Variants in GDAP1 observed in about 807,000 individuals in gnomAD.
GDAP1 encodes ganglioside-induced differentiation-associated protein 1.
Under a neutral mutation model 40.1 loss-of-function variants are expected in GDAP1, and 34 were observed. The observed-to-expected ratio is 0.85, with a 90% CI of 0.64 to 1.13. GDAP1 has a LOEUF of 1.13. GDAP1 is among the 50% of genes most tolerant of loss of function. The pLI is 0.00. For missense variants in GDAP1, 374 were observed against 433.7 expected (o/e 0.86, Z 1.22); for synonymous variants, 170 against 157.4 (o/e 1.08, Z -0.60).
intron 2 of GDAP1, among the ~76,000 whole-genome samples, chr8:74,421,356 C>CT (rs1420676118): frequency 4.6e-5 from 7 of 151,390 alleles, no homozygotes; most frequent in Non-Finnish European, 8.8e-5. Context: ...ATTACATGTG[C>CT]TTTTTTTCTG....
At chr8:74,438,595 T>C (rs1806122130) in intron 2 of GDAP1, among the ~76,000 whole-genome samples, 1 of 152,222 alleles carries the variant, frequency 6.6e-6, no homozygotes. Context: ...CCCATTTATC[T>C]ATTGAATTAT....
At chr8:74,385,961 T>A (rs758243992) in intron 2 of GDAP1, among the ~76,000 whole-genome samples, 26 of 152,216 alleles carry the variant, frequency 1.7e-4, no homozygotes, top group Non-Finnish European at 3.5e-4. Flanking sequence ...TTTTTTCATA[T>A]GTTTATTGGC....
intron 2 of GDAP1, among the ~76,000 whole-genome samples, chr8:74,385,231 G>T (rs1810008688): frequency 6.6e-6 from 1 of 152,080 alleles, no homozygotes; most frequent in African/African-American, 2.4e-5. Context: ...AGAATGTGCA[G>T]GTTTGTTACA....
At chr8:74,353,507 G>A (rs1808970581) in intron 2 of GDAP1, among the ~76,000 whole-genome samples, 1 of 151,874 alleles carries the variant, frequency 6.6e-6, no homozygotes, top group Non-Finnish European at 1.5e-5. Flanking sequence ...TAAAAACAGC[G>A]TTATCACAAT....
At chr8:74,459,336 T>A (rs1217702145) in intron 2 of GDAP1, among the ~76,000 whole-genome samples, 1 of 152,178 alleles carries the variant, frequency 6.6e-6, no homozygotes, top group Non-Finnish European at 1.5e-5. Context: ...TCAGACACTT[T>A]TGAGAAAACA....
intron 2 of GDAP1, among the ~76,000 whole-genome samples, chr8:74,406,093 C>T (rs1262361890): frequency 6.7e-6 from 1 of 150,234 alleles, no homozygotes; most frequent in Non-Finnish European, 1.5e-5. Flanking sequence ...TAAACAAAAG[C>T]TAACTGTTCA....
intron 2 of GDAP1, among the ~76,000 whole-genome samples, chr8:74,431,367 G>A (rs924772240): frequency 3.9e-5 from 6 of 152,124 alleles, no homozygotes; most frequent in Admixed American, 3.3e-4. Context: ...AAAATAACAC[G>A]GAGGAGGGTT....
At position 74,381,484 on chromosome 8, in the gene GDAP1, G is replaced by A. The variant is rs150712686; in HGVS notation, c.165+30163G>A. Among the ~76,000 whole-genome samples the A allele has an allele frequency of 8.4e-4, 128 of 152,224 alleles. 2 individuals carry two copies. The East Asian group carries it at 0.015, about 18-fold the overall frequency. ...AAAAAAAGTAAGTAGGGCTGGGTATGGTGGCTCATGCCTGTAATCCCAGCA... is the reference window on the plus strand; with the variant it reads ...AAAAAAAGTAAGTAGGGCTGGGTATAGTGGCTCATGCCTGTAATCCCAGCA... On this transcript the variant is annotated intron_variant, in intron 2 of 2. Transcript: ENST00000523640.
chr8:74,441,897 T>C (rs1806166522), intron 2 of GDAP1, among the ~76,000 whole-genome samples: 1 of 152,190 alleles, frequency 6.6e-6, no homozygotes, highest in Non-Finnish European at 1.5e-5. Flanking sequence ...CACTGCTGTT[T>C]AGAGACATAC....
chr8:74,350,712 C>T, intron 1 of GDAP1, 134 bp downstream of exon 1: 1 of 736,950 alleles, frequency 1.4e-6, no homozygotes, highest in African/African-American at 1.7e-5. Context: ...GGCAGGCGCT[C>T]CCTCCAGGCG....
rs1586807387 is a variant in GDAP1 at position 74,364,129 on chromosome 8, AC to A, written c.840del (p.Tyr280Ter). The A allele has an allele frequency of 2.5e-6, 4 of 1,614,198 alleles. No homozygotes were observed. The South Asian group carries it at 4.4e-5, about 18-fold the overall frequency. ...AAGCGACCAAACTTGGAAACCTATT[AC>A]GAGCGTGTCTTGAAGAGAAAAACAT... ...NGKRPNLETY[Y>X]ERVLKRKTFN... On this transcript the variant is annotated frameshift_variant, in exon 6 of 6. Coordinates refer to ENST00000220822, the MANE Select transcript of GDAP1 (RefSeq NM_018972.4). LOFTEE classifies it high-confidence loss of function.
At chr8:74,471,501 A>T (rs934453556) in intron 2 of GDAP1, among the ~76,000 whole-genome samples, 1 of 150,734 alleles carries the variant, frequency 6.6e-6, no homozygotes, top group Non-Finnish European at 1.5e-5. Flanking sequence ...GTTTATTTTG[A>T]TATTCTTTTT....
rs551240171 is a variant in GDAP1 at position 74,459,901 on chromosome 8, A to C, written c.166-28777A>C. On this transcript the variant is annotated intron_variant, in intron 2 of 2. Transcript: ENST00000523640. ...CAACCACATTATATTCAGCAACATA[A>C]TTCTGAATAAATTACTCTTATGCCA... Among the ~76,000 whole-genome samples the C allele has an allele frequency of 2.6e-5, 4 of 152,330 alleles. No individual in the cohort carries two copies. The South Asian group carries it at 8.3e-4, about 32-fold the overall frequency.
rs1420538642 is a variant in GDAP1, at chr8:74,365,031, G to A, written c.*664G>A. The A allele has an allele frequency of 2.2e-6, 1 of 454,054 alleles. No individual in the cohort carries two copies. The highest frequency in any genetic ancestry group is 2.3e-5 in the Admixed American group (1 of 42,564). 28.1% of individuals were successfully genotyped at this position (454,054 alleles called of 1,614,324 possible). The stretch of plus-strand genomic sequence containing the variant: ...GTAATGGTTCCTTACTGTTTTAGAT[G>A]GTGCCTGTGAGATACCATTCCTCTG... On this transcript the variant is annotated 3_prime_UTR_variant, in exon 6 of 6. Coordinates refer to ENST00000220822, the MANE Select transcript of GDAP1 (RefSeq NM_018972.4).
intron 2 of GDAP1, among the ~76,000 whole-genome samples, chr8:74,356,203 T>A (rs1413491139): frequency 6.6e-6 from 1 of 152,164 alleles, no homozygotes; most frequent in Non-Finnish European, 1.5e-5. Flanking sequence ...CTTTGATTAT[T>A]GTGTCAGTAA....
chr8:74,376,310 C>CT (rs1809850271), intron 2 of GDAP1, among the ~76,000 whole-genome samples: 1 of 150,066 alleles, frequency 6.7e-6, no homozygotes, highest in Admixed American at 6.6e-5. Context: ...TAATAGATAG[C>CT]TAAAACTATT....
At chr8:74,446,555 C>T (rs1340410989) in intron 2 of GDAP1, among the ~76,000 whole-genome samples, 1 of 152,072 alleles carries the variant, frequency 6.6e-6, no homozygotes, top group Non-Finnish European at 1.5e-5. Flanking sequence ...ATCTGTTTTA[C>T]AGATCAAAGG....
chr8:74,413,846 A>G (rs1408521519), intron 2 of GDAP1, among the ~76,000 whole-genome samples: 1 of 149,574 alleles, frequency 6.7e-6, no homozygotes, highest in African/African-American at 2.6e-5. Flanking sequence ...AGGTCTGGAA[A>G]AGGGAAGCAC....
intron 2 of GDAP1, among the ~76,000 whole-genome samples, chr8:74,436,629 C>T (rs1248257204): frequency 6.6e-6 from 1 of 151,974 alleles, no homozygotes; most frequent in African/African-American, 2.4e-5. Context: ...ATCATGTTGG[C>T]CAGACTGGTC....
Sources: allele counts gnomAD v4.1 joint callset (sites outside exome capture counted in the v4.1 genomes callset), GRCh38; gene constraint gnomAD v4.1.1; transcripts MANE v1.5; gene names NCBI Gene and HGNC (gene_info 2026-07-23, HGNC 2026-07-21).